The following KIT variants were observed in gnomAD, a reference collection of about 807,000 sequenced individuals.
KIT encodes the protein mast/stem cell growth factor receptor Kit.
A neutral mutation model predicts 105.7 loss-of-function variants in KIT; 16 were observed. The ratio of observed to expected loss-of-function variants is 0.15; its 90% CI spans 0.10 to 0.23. The LOEUF (loss-of-function observed/expected upper bound fraction) is 0.23, where lower values mean the gene tolerates loss of function less well. KIT is among the 10% of genes least tolerant of loss of function. The pLI is 1.00. For synonymous variants in KIT, 438 were observed against 441.1 expected (o/e 0.99, Z 0.09); for missense variants, 858 against 1,213.8 (o/e 0.71, Z 4.36).
At position 54,684,608 on chromosome 4, in the gene KIT, C is replaced by T. The variant is rs545072339; in HGVS notation, c.68-10904C>T. ...TGCTGCCATCAGGCACTGTCCCCCACACTCACTGACTCCGAGGGTCCTCCC... is the reference window on the plus strand; with the variant it reads ...TGCTGCCATCAGGCACTGTCCCCCATACTCACTGACTCCGAGGGTCCTCCC... On this transcript the variant is annotated intron_variant, in intron 1 of 20. Coordinates refer to ENST00000288135, the MANE Select transcript of KIT (RefSeq NM_000222.3). Among the ~76,000 whole-genome samples, 4 of 152,298 alleles carry T rather than the reference C, an allele frequency of 2.6e-5. No individual in the cohort carries two copies. In the East Asian group the frequency reaches 7.7e-4, roughly 30 times the overall value.
intron 14 of KIT, among the ~76,000 whole-genome samples, chr4:54,730,348 T>G (rs1560420126): frequency 6.6e-6 from 1 of 152,162 alleles, no homozygotes; most frequent in Non-Finnish European, 1.5e-5. Flanking sequence ...TGGCAAGACA[T>G]TGCCTCCTGA....
chr4:54,682,382 C>T (rs1719001223), intron 1 of KIT, among the ~76,000 whole-genome samples: 1 of 152,074 alleles, frequency 6.6e-6, no homozygotes, highest in Admixed American at 6.5e-5. Context: ...GCCACCGTGC[C>T]TGGCCCAAGC....
intron 5 of KIT, among the ~76,000 whole-genome samples, chr4:54,706,166 T>G (rs1168375658): frequency 2.6e-5 from 4 of 152,094 alleles, no homozygotes; most frequent in Non-Finnish European, 4.4e-5. Context: ...TAGCTATCTA[T>G]CTCATTTTAA....
At chr4:54,709,210 A>G (rs769321889) in intron 6 of KIT, among the ~76,000 whole-genome samples, 6 of 152,068 alleles carry the variant, frequency 3.9e-5, no homozygotes, top group Non-Finnish European at 5.9e-5. Context: ...ACCTTTCCCC[A>G]CTCTGTGGTC....
intron 1 of KIT, among the ~76,000 whole-genome samples, chr4:54,667,616 G>A (rs1487637488): frequency 6.6e-6 from 1 of 152,182 alleles, no homozygotes; most frequent in Non-Finnish European, 1.5e-5. Context: ...TTAGCCGGAA[G>A]GCTCTGCTCC....
At chr4:54,678,342 TTCCTTCCTTCCC>T (rs199691273) in intron 1 of KIT, among the ~76,000 whole-genome samples, 1,518 of 93,556 alleles carry the variant, frequency 0.016, 38 homozygotes, top group African/African-American at 0.041. Flanking sequence ...CCTTCCTTCC[TTCCTTCCTTCCC>T]TCCCTCCCTC....
At chr4:54,676,644 C>G (rs1306352034) in intron 1 of KIT, among the ~76,000 whole-genome samples, 1 of 152,072 alleles carries the variant, frequency 6.6e-6, no homozygotes, top group Non-Finnish European at 1.5e-5. Flanking sequence ...CGATTGTGTC[C>G]TACCCTGATT....
chr4:54,731,230 A>G (rs1722571178), intron 14 of KIT, 98 bp from the exon 15 acceptor site: 4 of 830,032 alleles, frequency 4.8e-6, no homozygotes, highest in African/African-American at 3.3e-5. Context: ...GGTCCAGTCT[A>G]TTATGTAGCA....
At chr4:54,674,905 A>C (rs1718356249) in intron 1 of KIT, among the ~76,000 whole-genome samples, 1 of 152,200 alleles carries the variant, frequency 6.6e-6, no homozygotes, top group South Asian at 2.1e-4. Context: ...TCTGAAGGAG[A>C]GAGTGCTATT....
chr4:54,733,450 C>A, intron 17 of KIT: 1 of 399,008 alleles, frequency 2.5e-6, no homozygotes, highest in Non-Finnish European at 4.7e-6. Flanking sequence ...CCTTAATTTT[C>A]ATTATAGCCT....
intron 15 of KIT, among the ~76,000 whole-genome samples, 198 bp downstream of exon 15, chr4:54,731,617 T>G (rs1722603776): frequency 6.6e-6 from 1 of 152,170 alleles, no homozygotes. Flanking sequence ...TGCCTGAGTA[T>G]CTTTCTATAG....
chr4:54,661,972 CGA>C (rs1278670295), intron 1 of KIT, among the ~76,000 whole-genome samples: 1 of 152,092 alleles, frequency 6.6e-6, no homozygotes, highest in Admixed American at 6.5e-5. Context: ...TCTGATAGCC[CGA>C]GGAGACATGT....
intron 17 of KIT, among the ~76,000 whole-genome samples, chr4:54,734,541 G>A (rs906091639): frequency 6.6e-6 from 1 of 152,154 alleles, no homozygotes; most frequent in African/African-American, 2.4e-5. Context: ...ACAAAGAGGG[G>A]TTGGCTCTAT....
Position 54,695,644 on chromosome 4 carries a change from C to G in KIT, c.200C>G (p.Thr67Ser), listed in dbSNP as rs144933028. ...LCTDPGFVKW[T>S]FEILDETNEN... ...ACTGATCCGGGCTTTGTCAAATGGA[C>G]TTTTGAGATCCTGGATGAAACGAAT... The change falls in exon 2 of 21, where the codon ACT becomes AGT. Residue 67 changes from threonine to serine, a missense_variant. Thr to Ser is a moderately conservative substitution (Grantham distance 58). This residue lies in a region of KIT where 401 missense variants were observed against 601.0 expected (regional missense o/e 0.67). Coordinates refer to ENST00000288135, the MANE Select transcript of KIT (RefSeq NM_000222.3). The G allele has an allele frequency of 2.7e-4, 439 of 1,614,224 alleles. 1 individual carries two copies. The highest frequency in any genetic ancestry group is 1.2e-3 in the Middle Eastern group (7 of 6,062).
chr4:54,694,639 C>CA (rs1719932125), intron 1 of KIT, among the ~76,000 whole-genome samples: 1 of 152,188 alleles, frequency 6.6e-6, no homozygotes, highest in African/African-American at 2.4e-5. Context: ...CTCAGCCTCC[C>CA]AGAGTGCTGG....
rs2109769661 is a variant in KIT, at chr4:54,726,022, T to C, written c.1512T>C (p.Phe504=). The C allele has an allele frequency of 3.7e-6, 6 of 1,614,158 alleles. No homozygotes were observed. In the South Asian group the frequency reaches 6.6e-5, roughly 18 times the overall value. ...YNDVGKTSAY[F]NFAFKGNNKE... ...ATGTGGGCAAGACTTCTGCCTATTT[T>C]AACTTTGCATTTAAAGGTAACAACA... The change falls in exon 9 of 21, where the codon TTT becomes TTC. Residue 504 remains phenylalanine, a synonymous_variant. Transcript: ENST00000288135.
intron 7 of KIT, among the ~76,000 whole-genome samples, chr4:54,722,081 G>A (rs1721911273): frequency 6.6e-6 from 1 of 152,130 alleles, no homozygotes; most frequent in African/African-American, 2.4e-5. Flanking sequence ...TGCCTCCTGG[G>A]TTCAAGCCAT....
At chr4:54,725,325 G>C (rs1722148069) in intron 8 of KIT, among the ~76,000 whole-genome samples, 1 of 152,126 alleles carries the variant, frequency 6.6e-6, no homozygotes, top group South Asian at 2.1e-4. Flanking sequence ...GTCTGGTCTT[G>C]AACTCCTGAC....
chr4:54,702,566 T>C (rs1720523314), intron 4 of KIT, among the ~76,000 whole-genome samples: 1 of 152,134 alleles, frequency 6.6e-6, no homozygotes, highest in Non-Finnish European at 1.5e-5. Context: ...ATCAGATAAT[T>C]GCAATTTTAA....
Sources: allele counts gnomAD v4.1 joint callset (sites outside exome capture counted in the v4.1 genomes callset), GRCh38; gene constraint gnomAD v4.1.1; regional missense constraint gnomAD v4.1.1; transcripts MANE v1.5; gene names NCBI Gene and HGNC (gene_info 2026-07-23, HGNC 2026-07-21).